NRG3: variants seen among roughly 807,000 people sequenced by gnomAD.
NRG3 encodes the protein neuregulin 3.
Under a neutral mutation model 66.9 loss-of-function variants are expected in NRG3, and 31 were observed. The observed-to-expected ratio is 0.46, with a 90% confidence interval of 0.35 to 0.63. NRG3 has a LOEUF of 0.63. Ranked by LOEUF, NRG3 falls within the 20% of genes least tolerant of loss-of-function variation. NRG3 has a pLI of 0.00. For synonymous variants in NRG3, 393 were observed against 359.4 expected (o/e 1.09, Z -1.06); for missense variants, 910 against 878.9 (o/e 1.04, Z -0.45).
intron 2 of NRG3, among the ~76,000 whole-genome samples, chr10:82,725,687 A>G (rs1380024495): frequency 1.3e-5 from 2 of 152,208 alleles, no homozygotes; most frequent in Non-Finnish European, 2.9e-5. Flanking sequence ...CAGATAAACA[A>G]TGAATGCATT....
At chr10:82,071,641 G>A (rs2064812542) in intron 1 of NRG3, among the ~76,000 whole-genome samples, 1 of 152,134 alleles carries the variant, frequency 6.6e-6, no homozygotes, top group Non-Finnish European at 1.5e-5. Flanking sequence ...GTGAGGATGC[G>A]GGCTTTTTAC....
intron 2 of NRG3, among the ~76,000 whole-genome samples, chr10:82,370,955 C>A (rs1252019317): frequency 6.6e-6 from 1 of 151,814 alleles, no homozygotes; most frequent in Non-Finnish European, 1.5e-5. Context: ...TACAAACACA[C>A]ACACACACAC....
At chr10:82,548,555 A>G (rs1047011347) in intron 2 of NRG3, among the ~76,000 whole-genome samples, 5 of 147,320 alleles carry the variant, frequency 3.4e-5, no homozygotes, top group African/African-American at 5.2e-5. Flanking sequence ...ACACACACAC[A>G]CACACGCACA....
intron 1 of NRG3, among the ~76,000 whole-genome samples, chr10:82,158,725 A>C (rs2071360206): frequency 6.6e-6 from 1 of 151,840 alleles, no homozygotes; most frequent in African/African-American, 2.4e-5. Context: ...CATGTAAGTA[A>C]AATGCCACAA....
chr10:82,740,920 A>G (rs2058396235), intron 3 of NRG3, among the ~76,000 whole-genome samples: 1 of 152,130 alleles, frequency 6.6e-6, no homozygotes, highest in African/African-American at 2.4e-5. Flanking sequence ...TAAAATTGCA[A>G]AAGGAACATA....
chr10:82,515,610 A>G (rs1845577503), intron 2 of NRG3, among the ~76,000 whole-genome samples: 3 of 152,236 alleles, frequency 2.0e-5, no homozygotes, highest in African/African-American at 7.2e-5. Context: ...ATGCAGTGAC[A>G]CATTAGACCT....
intron 2 of NRG3, among the ~76,000 whole-genome samples, chr10:82,648,872 G>C (rs2051177925): frequency 6.6e-6 from 1 of 152,164 alleles, no homozygotes. Flanking sequence ...CTGAGACTTT[G>C]CTGAAGTTGC....
At chr10:82,839,396 T>A (rs1390066217) in intron 3 of NRG3, among the ~76,000 whole-genome samples, 1 of 152,094 alleles carries the variant, frequency 6.6e-6, no homozygotes, top group African/African-American at 2.4e-5. Context: ...AGAAGATAAA[T>A]GCAGAGTAAA....
At chr10:82,267,257 G>C (rs1055965525) in intron 1 of NRG3, among the ~76,000 whole-genome samples, 1 of 151,956 alleles carries the variant, frequency 6.6e-6, no homozygotes, top group Admixed American at 6.6e-5. Context: ...ATGCATACAC[G>C]CATACACAAA....
intron 6 of NRG3, among the ~76,000 whole-genome samples, chr10:82,964,086 A>G (rs1850949128): frequency 6.6e-6 from 1 of 152,252 alleles, no homozygotes; most frequent in Admixed American, 6.5e-5. Flanking sequence ...TTGATTGAAT[A>G]TAGATTCATA....
intron 1 of NRG3, among the ~76,000 whole-genome samples, chr10:82,324,926 G>C (rs1000742944): frequency 2.0e-5 from 3 of 152,138 alleles, no homozygotes; most frequent in African/African-American, 4.8e-5. Context: ...TTTCAAGTTG[G>C]TTGACTTTTG....
chr10:82,143,468 G>A (rs1284329863), intron 1 of NRG3, among the ~76,000 whole-genome samples: 1 of 152,130 alleles, frequency 6.6e-6, no homozygotes, highest in African/African-American at 2.4e-5. Flanking sequence ...GTTAAGCAAG[G>A]GGGTGCCTGT....
At chr10:82,209,202 C>T (rs1397947983) in intron 1 of NRG3, among the ~76,000 whole-genome samples, 9 of 152,148 alleles carry the variant, frequency 5.9e-5, no homozygotes, top group Admixed American at 5.9e-4. Flanking sequence ...TAAAGTTAAT[C>T]ATTTCAGCAG....
chr10:81,981,493 C>A (rs1478612211), intron 1 of NRG3, among the ~76,000 whole-genome samples: 1 of 152,206 alleles, frequency 6.6e-6, no homozygotes, highest in Non-Finnish European at 1.5e-5. Context: ...ACCGGGACAG[C>A]AATGTTGCCT....
In NRG3 at chr10:82,004,323, T is replaced by C. The variant is rs903481384; in HGVS notation, c.823+128160T>C. On this transcript the variant is annotated intron_variant, in intron 1 of 8. Transcript: ENST00000372141. ...TTTTAAAATTTGAAGGCCATCAAAC[T>C]AGGGAATGTTTGCATGCTGATAGGG... is the stretch of plus-strand genomic sequence containing the variant. Among the ~76,000 whole-genome samples, 7 of 152,294 alleles carry C rather than the reference T, an allele frequency of 4.6e-5. No individual in the cohort carries two copies. The South Asian group carries it at 8.3e-4, about 18-fold the overall frequency.
intron 1 of NRG3, among the ~76,000 whole-genome samples, chr10:82,044,252 T>C (rs1244236481): frequency 6.6e-6 from 1 of 152,028 alleles, no homozygotes; most frequent in Non-Finnish European, 1.5e-5. Context: ...ACTTTCCAAC[T>C]CTCTCACTGT....
chr10:82,720,732 A>G (rs971651069), intron 2 of NRG3, among the ~76,000 whole-genome samples: 1 of 150,698 alleles, frequency 6.6e-6, no homozygotes, highest in Middle Eastern at 3.4e-3. Context: ...TTCCTCAGCA[A>G]GATGTAGAAG....
chr10:82,609,132 G>A lies in NRG3; in HGVS notation c.954-129445G>A, dbSNP rs141778539. The stretch of plus-strand genomic sequence containing the variant: ...CATATGTGATTGACAAATTTATGAC[G>A]TTAGAAAAGGAAGACAACTTTGAAT... On this transcript the variant is annotated intron_variant, in intron 2 of 8. Transcript: ENST00000372141. 1.2e-4 allele frequency among the ~76,000 whole-genome samples: 19 copies of A among 152,146 alleles called. No individual in the cohort carries two copies. The South Asian group carries it at 2.3e-3, about 18-fold the overall frequency.
chr10:82,144,171 T>A (rs1021162059), intron 1 of NRG3, among the ~76,000 whole-genome samples: 3 of 152,212 alleles, frequency 2.0e-5, no homozygotes, highest in Non-Finnish European at 4.4e-5. Context: ...TTGACTCTTA[T>A]GACTTCTGTG....
Sources: allele counts gnomAD v4.1 joint callset (sites outside exome capture counted in the v4.1 genomes callset), GRCh38; gene constraint gnomAD v4.1.1; transcripts MANE v1.5; gene names NCBI Gene and HGNC (gene_info 2026-07-23, HGNC 2026-07-21).